PTK2B: variants seen among roughly 807,000 people sequenced by gnomAD.
The protein encoded by PTK2B is protein-tyrosine kinase 2-beta.
PTK2B carries 71 observed loss-of-function variants against 142.9 expected under a neutral mutation model. The observed-to-expected ratio is 0.50, with a 90% CI of 0.41 to 0.61. PTK2B has a LOEUF of 0.61. PTK2B is among the 20% of genes least tolerant of loss of function. The pLI is 0.00. For synonymous variants in PTK2B, 519 were observed against 503.4 expected (o/e 1.03, Z -0.42); for missense variants, 1,105 against 1,320.4 (o/e 0.84, Z 2.53).
chr8:27,365,689 C>T (rs191661625), intron 1 of PTK2B, among the ~76,000 whole-genome samples: 1 of 152,210 alleles, frequency 6.6e-6, no homozygotes, highest in African/African-American at 2.4e-5. Context: ...CATTTGTCAC[C>T]ACTCATTAAA....
intron 24 of PTK2B, among the ~76,000 whole-genome samples, chr8:27,449,822 A>G (rs1457522742): frequency 6.6e-6 from 1 of 152,258 alleles, no homozygotes; most frequent in Non-Finnish European, 1.5e-5. Flanking sequence ...AGCAGCTAAA[A>G]TTATGAATAG....
At chr8:27,311,221 G>A (rs550965138), upstream of PTK2B, 4 of 1,562,550 alleles carry the variant, frequency 2.6e-6, no homozygotes, top group Non-Finnish European at 3.5e-6. Context: ...GGGACACGTC[G>A]GGACTCCGCT....
chr8:27,320,066 C>T (rs1362571826), intron 3 of PTK2B, among the ~76,000 whole-genome samples: 1 of 152,098 alleles, frequency 6.6e-6, no homozygotes, highest in Non-Finnish European at 1.5e-5. Flanking sequence ...TGGGGTGGAG[C>T]CACAGGAGTT....
chr8:27,429,001 C>T (rs1810247570), intron 5 of PTK2B, among the ~76,000 whole-genome samples: 5 of 152,130 alleles, frequency 3.3e-5, no homozygotes, highest in Admixed American at 2.0e-4. Context: ...CTCACTGCAA[C>T]CTCCGCCTCC....
At chr8:27,381,781 T>C (rs536884109) in intron 1 of PTK2B, among the ~76,000 whole-genome samples, 16 of 152,326 alleles carry the variant, frequency 1.1e-4, no homozygotes, top group Admixed American at 2.0e-4. Context: ...ACCAATAGCG[T>C]TTAGGAGTTC....
At chr8:27,393,189 A>G (rs1323951835) in intron 1 of PTK2B, among the ~76,000 whole-genome samples, 3 of 152,170 alleles carry the variant, frequency 2.0e-5, no homozygotes, top group Admixed American at 1.3e-4. Flanking sequence ...TAAAATGGCC[A>G]TCTTCACTCC....
chr8:27,377,678 T>A (rs1806756420), intron 1 of PTK2B, among the ~76,000 whole-genome samples: 1 of 152,232 alleles, frequency 6.6e-6, no homozygotes, highest in African/African-American at 2.4e-5. Flanking sequence ...CTGTGAGCTC[T>A]CTGTCACATG....
intron 1 of PTK2B, among the ~76,000 whole-genome samples, chr8:27,390,636 A>C (rs1057430434): frequency 3.9e-5 from 6 of 152,134 alleles, no homozygotes; most frequent in Admixed American, 3.3e-4. Flanking sequence ...GCAAGCCCCT[A>C]TCTCTAAAAA....
chr8:27,338,581 A>G (rs1477484031), intron 1 of PTK2B, among the ~76,000 whole-genome samples: 1 of 152,204 alleles, frequency 6.6e-6, no homozygotes, highest in Non-Finnish European at 1.5e-5. Flanking sequence ...AAATTGCTGA[A>G]TCTATATTAT....
At chr8:27,393,686 A>G (rs900056758) in intron 1 of PTK2B, among the ~76,000 whole-genome samples, 22 of 152,086 alleles carry the variant, frequency 1.4e-4, no homozygotes, top group African/African-American at 5.3e-4. Context: ...GACTATTTTT[A>G]GAGAAGTTTT....
intron 1 of PTK2B, among the ~76,000 whole-genome samples, chr8:27,344,149 G>A (rs1243218222): frequency 6.6e-6 from 1 of 152,106 alleles, no homozygotes; most frequent in Admixed American, 6.5e-5. Context: ...ACACCCCTCA[G>A]CCCATGTATT....
chr8:27,324,926 G>A (rs919838772), upstream of PTK2B, among the ~76,000 whole-genome samples: 3 of 152,174 alleles, frequency 2.0e-5, no homozygotes, highest in African/African-American at 4.8e-5. Flanking sequence ...GCCTCTGGGC[G>A]GGGCCCCTGG....
intron 2 of PTK2B, among the ~76,000 whole-genome samples, chr8:27,410,678 T>C (rs948236346): frequency 6.6e-6 from 1 of 152,234 alleles, no homozygotes; most frequent in African/African-American, 2.4e-5. Context: ...GGATGAGCAC[T>C]GACAAAAGAG....
chr8:27,420,744 G>C lies in PTK2B; in HGVS notation c.471G>C (p.Gln157His). The C allele has an allele frequency of 1.9e-6, 3 of 1,608,340 alleles. No homozygotes were observed. Among genetic ancestry groups the C allele is most frequent in the Non-Finnish European group, 2.6e-6 (3 of 1,174,850 alleles). Residue 157 changes from glutamine to histidine, a missense_variant and splice_region_variant, in exon 4 of 31, where the codon CAG becomes CAC. By Grantham distance (24) the Gln-to-His change is conservative. Coordinates refer to ENST00000346049, the MANE Select transcript of PTK2B (RefSeq NM_173176.3). ...DRTTLLYFYQ[Q>H]LRNDYMQRYA... The stretch of plus-strand genomic sequence containing the variant: ...CCACGCTGCTCTATTTTTACCAACA[G>C]GTAAAAAGTACTTTATCTTCTTGCC...
intron 1 of PTK2B, among the ~76,000 whole-genome samples, chr8:27,390,303 G>T (rs10105298): frequency 0.41 from 62,521 of 151,904 alleles, 13,242 homozygotes; most frequent in South Asian, 0.52. Context: ...ACAGCCACCT[G>T]ATCCTGCACT....
At chr8:27,448,605 AAT>A (rs1811621067) in intron 24 of PTK2B, among the ~76,000 whole-genome samples, 1 of 48,882 alleles carries the variant, frequency 2.0e-5, no homozygotes, top group African/African-American at 1.7e-4. Context: ...TAAACTTACA[AAT>A]ACTTACAAAT....
chr8:27,338,817 C>G (rs1445382074), intron 1 of PTK2B, among the ~76,000 whole-genome samples: 2 of 152,116 alleles, frequency 1.3e-5, no homozygotes, highest in East Asian at 1.9e-4. Context: ...AGAGCTTTAC[C>G]TCCTATTCAA....
At chr8:27,430,028 T>A in intron 5 of PTK2B, 65 bp from the exon 6 acceptor site, 1 of 1,459,860 alleles carries the variant, frequency 6.8e-7, no homozygotes, top group South Asian at 1.1e-5. Flanking sequence ...TGGCATGAGG[T>A]GCCCTGGGTC....
intron 1 of PTK2B, among the ~76,000 whole-genome samples, chr8:27,347,124 C>T (rs1233215519): frequency 6.6e-6 from 1 of 151,756 alleles, no homozygotes; most frequent in Non-Finnish European, 1.5e-5. Flanking sequence ...TGCCTGTAAT[C>T]CAAGCACTTT....
Sources: allele counts gnomAD v4.1 joint callset (sites outside exome capture counted in the v4.1 genomes callset), GRCh38; gene constraint gnomAD v4.1.1; transcripts MANE v1.5; gene names NCBI Gene and HGNC (gene_info 2026-07-23, HGNC 2026-07-21).